Variants in COL18A1 observed in about 807,000 individuals in gnomAD.
COL18A1 encodes collagen alpha-1(XVIII) chain.
In COL18A1, 133 loss-of-function variants were observed where a neutral mutation model predicts 168.0. The ratio of observed to expected loss-of-function variants is 0.79; its 90% CI spans 0.69 to 0.91. The LOEUF (loss-of-function observed/expected upper bound fraction) is 0.91. Ranked by LOEUF, COL18A1 falls within the 40% of genes least tolerant of loss-of-function variation. The pLI is 0.00. For synonymous variants in COL18A1, 949 were observed against 809.0 expected, an observed-to-expected ratio of 1.17 and a Z score of -2.94; for missense variants, 2,126 against 1,925.4, an observed-to-expected ratio of 1.10 and a Z score of -1.95.
In COL18A1 at chr21:45,512,517, T is replaced by C. The variant is rs2037671741; in HGVS notation, c.*119T>C. Reference sequence around the variant, plus strand: ...GACCTGGCTGCCATACTTTCCTGTATAGTTCACGTTTCATGTAATCCTCAA... The same window carrying C: ...GACCTGGCTGCCATACTTTCCTGTACAGTTCACGTTTCATGTAATCCTCAA... On this transcript the variant is annotated 3_prime_UTR_variant, in exon 42 of 42. Coordinates refer to ENST00000651438, the MANE Select transcript of COL18A1 (RefSeq NM_001379500.1). 3 of 869,006 alleles carry C rather than the reference T, an allele frequency of 3.5e-6. No homozygotes were observed. The highest frequency in any genetic ancestry group is 2.6e-5 in the East Asian group (1 of 37,850). 53.8% of individuals were successfully genotyped at this position (869,006 alleles called of 1,614,324 possible). A position where few individuals can be genotyped will look rare whatever the true frequency, so the allele number is the denominator to read the frequency against.
Position 45,475,534 on chromosome 21 carries a change from C to A in COL18A1, c.797C>A (p.Thr266Lys). 3.1e-6 allele frequency: 5 copies of A among 1,605,194 alleles called. No individual in the cohort carries two copies. The Admixed American group carries it at 6.8e-5, about 22-fold the overall frequency. ...GDARELLREE[T>K]GAALKPRLPA... The stretch of plus-strand genomic sequence containing the variant: ...GCCCGGGAGCTTCTCAGGGAGGAGA[C>A]GGTGAGTAGCCGGACGGGGCCCAGC... Residue 266 changes from threonine (T) to lysine (K), a missense_variant and splice_region_variant, in exon 5 of 42, where the codon ACG becomes AAG. Transcript: ENST00000651438.
At chr21:45,475,649 C>T in intron 5 of COL18A1, 114 bp downstream of exon 5, 1 of 913,046 alleles carries the variant, frequency 1.1e-6, no homozygotes, top group Non-Finnish European at 1.7e-6. Flanking sequence ...CCCTCTATGC[C>T]ACGAAGACAT....
chr21:45,474,979 C>T (rs966320671), intron 4 of COL18A1, among the ~76,000 whole-genome samples: 16 of 152,282 alleles, frequency 1.1e-4, no homozygotes, highest in South Asian at 4.1e-4. Flanking sequence ...GTCGCCGAGG[C>T]GCCGCACCCC....
intron 2 of COL18A1, among the ~76,000 whole-genome samples, chr21:45,411,397 C>G (rs874701): frequency 0.16 from 23,859 of 152,058 alleles, 2,900 homozygotes; most frequent in East Asian, 0.6. Flanking sequence ...AGCCCAGCCA[C>G]TGTTCTTGGT....
chr21:45,460,066 A>G (rs751101859), intron 2 of COL18A1, among the ~76,000 whole-genome samples: 8 of 152,082 alleles, frequency 5.3e-5, no homozygotes, highest in Non-Finnish European at 1.2e-4. Context: ...CAGGTGAGAA[A>G]CTGAGGCCTA....
intron 2 of COL18A1, among the ~76,000 whole-genome samples, chr21:45,441,354 C>T (rs897787606): frequency 1.3e-5 from 2 of 152,184 alleles, no homozygotes; most frequent in African/African-American, 4.8e-5. Flanking sequence ...CCCTACTGTC[C>T]CCAGAAGATG....
At chr21:45,456,099 C>T in intron 2 of COL18A1, 1 of 1,593,844 alleles carries the variant, frequency 6.3e-7, no homozygotes, top group Non-Finnish European at 8.6e-7. Context: ...ACCTTGCCTG[C>T]ACCCACCCCA....
Position 45,478,220 on chromosome 21 carries a change from T to C in COL18A1, c.1222-107T>C, listed in dbSNP as rs759811603. ...TGCGAGGACATCGGGGGAAGGCGTC[T>C]GCCGCCTCGTGGGGACTTGGAGCGT... On this transcript the variant is annotated intron_variant, in intron 8 of 41. Transcript: ENST00000651438. 2.0e-6 allele frequency: 3 copies of C among 1,470,408 alleles called. No individual in the cohort carries two copies. The East Asian group carries it at 6.8e-5, about 33-fold the overall frequency. The allele number at this position is 1,470,408 out of a possible 1,614,324, so 91.1% of individuals were successfully genotyped here.
chr21:45,490,520 ACTCCCGGGTCTCTGGGCCTCCG>A (rs2036289566), intron 20 of COL18A1, among the ~76,000 whole-genome samples, 174 bp downstream of exon 20: 2 of 44,656 alleles, frequency 4.5e-5, no homozygotes, highest in African/African-American at 1.1e-4. Flanking sequence ...CCGTGTGCCC[ACTCCCGGGTCTCTGGGCCTCCG>A]TGTGCCCTCC....
intron 2 of COL18A1, among the ~76,000 whole-genome samples, chr21:45,438,389 C>T (rs554697208): frequency 5.9e-5 from 9 of 152,030 alleles, no homozygotes; most frequent in African/African-American, 2.2e-4. Flanking sequence ...CACACTCACA[C>T]ACTCAGACCC....
chr21:45,408,510 G>A (rs1602323461), intron 2 of COL18A1: 1 of 152,446 alleles, frequency 6.6e-6, no homozygotes, highest in East Asian at 1.9e-4. Context: ...GGAGTGCCAG[G>A]GGATCCTGTG....
intron 2 of COL18A1, among the ~76,000 whole-genome samples, chr21:45,465,514 G>A (rs974195658): frequency 3.9e-5 from 6 of 152,198 alleles, no homozygotes; most frequent in Middle Eastern, 3.2e-3. Context: ...TGATGGTGGC[G>A]CACTCTTCAA....
intron 2 of COL18A1, among the ~76,000 whole-genome samples, chr21:45,432,909 G>A (rs2034001648): frequency 6.6e-6 from 1 of 152,246 alleles, no homozygotes; most frequent in Non-Finnish European, 1.5e-5. Context: ...ACAGATGCCT[G>A]TGCCAACCCC....
intron 4 of COL18A1, among the ~76,000 whole-genome samples, chr21:45,474,613 G>A (rs560183696): frequency 6.6e-6 from 1 of 151,576 alleles, no homozygotes; most frequent in African/African-American, 2.4e-5. Context: ...GGAATCACGT[G>A]GTACCCAAGG....
intron 34 of COL18A1, 26 bp downstream of exon 34, chr21:45,504,582 G>C (rs1001484412): frequency 4.8e-5 from 74 of 1,556,048 alleles, no homozygotes; most frequent in Non-Finnish European, 6.1e-5. Flanking sequence ...TGCAGGCAGA[G>C]CCCATGTCCC....
chr21:45,490,200 C>T, intron 19 of COL18A1, 75 bp from the exon 20 acceptor site: 1 of 1,286,926 alleles, frequency 7.8e-7, no homozygotes, highest in South Asian at 1.3e-5. Flanking sequence ...CACGGGTGCC[C>T]CGGACTCCTC....
intron 2 of COL18A1, among the ~76,000 whole-genome samples, chr21:45,410,350 G>A (rs1052930303): frequency 6.6e-5 from 10 of 152,318 alleles, no homozygotes; most frequent in Non-Finnish European, 1.2e-4. Context: ...CTCTCACCAC[G>A]CCGGCTTCCA....
At chr21:45,486,207 CAGT>C (rs1375615461) in intron 15 of COL18A1, among the ~76,000 whole-genome samples, 1 of 152,178 alleles carries the variant, frequency 6.6e-6, no homozygotes, top group African/African-American at 2.4e-5. Context: ...ACCCTAGCCC[CAGT>C]GGTCCCAGGG....
intron 8 of COL18A1, 31 bp downstream of exon 8, chr21:45,477,996 C>A: frequency 8.4e-7 from 1 of 1,195,874 alleles, no homozygotes; most frequent in Non-Finnish European, 1.2e-6. Context: ...GAGTCCGGCC[C>A]GGTCTGGAGG....
Sources: gnomAD v4.1 joint callset for allele counts (sites outside exome capture counted in the v4.1 genomes callset) on GRCh38, gnomAD v4.1.1 for gene constraint, MANE v1.5 for transcripts, NCBI Gene and HGNC (gene_info 2026-07-23, HGNC 2026-07-21) for gene names.